Variants in ZMIZ1 observed in about 807,000 individuals in gnomAD.
ZMIZ1 encodes the protein zinc finger MIZ-type containing 1, also known as zinc finger MIZ domain-containing protein 1.
In ZMIZ1, 17 loss-of-function variants were observed where a neutral mutation model predicts 113.9. The observed-to-expected ratio is 0.15, with a 90% CI of 0.10 to 0.22. The LOEUF (loss-of-function observed/expected upper bound fraction) is 0.22, where lower values mean the gene tolerates loss of function less well. ZMIZ1 is among the 10% of genes least tolerant of loss of function. The pLI is 1.00. For synonymous variants in ZMIZ1, 607 were observed against 603.1 expected (o/e 1.01, Z -0.09); for missense variants, 1,059 against 1,477.8 (o/e 0.72, Z 4.65).
intron 1 of ZMIZ1, among the ~76,000 whole-genome samples, chr10:79,116,180 G>A (rs1003099132): frequency 1.3e-5 from 2 of 152,070 alleles, no homozygotes; most frequent in Non-Finnish European, 2.9e-5. Flanking sequence ...GTCCCCAGGA[G>A]AGAATTGCCC....
Position 79,304,011 on chromosome 10 carries a change from G to A in ZMIZ1, c.2126-4G>A, listed in dbSNP as rs192251671. 328 of 1,613,858 alleles carry A rather than the reference G, an allele frequency of 2.0e-4. No homozygotes were observed. In the African/African-American group the frequency reaches 3.8e-3, roughly 19 times the overall value. On this transcript the variant is annotated splice_polypyrimidine_tract_variant and splice_region_variant and intron_variant, in intron 18 of 24. Coordinates refer to ENST00000334512, the MANE Select transcript of ZMIZ1 (RefSeq NM_020338.4). ...CTCACCTGTCTGTGCCTCCTGCCCC[G>A]CAGTCAAGCGGAATTTCAGCAGCGT...
intron 8 of ZMIZ1, among the ~76,000 whole-genome samples, chr10:79,282,710 G>A (rs1372770918): frequency 2.0e-5 from 3 of 152,236 alleles, no homozygotes; most frequent in African/African-American, 7.2e-5. Context: ...TCAGGAAAGG[G>A]TCAGGCTGCC....
intron 3 of ZMIZ1, among the ~76,000 whole-genome samples, chr10:79,149,975 C>G (rs1589340104): frequency 1.3e-5 from 2 of 152,372 alleles, no homozygotes; most frequent in South Asian, 4.1e-4. Context: ...GGCCACTAAG[C>G]AGGCCAGCGT....
intron 7 of ZMIZ1, among the ~76,000 whole-genome samples, chr10:79,218,584 GGTGTGTGT>G (rs55736085): frequency 6.8e-6 from 1 of 147,792 alleles, no homozygotes; most frequent in Non-Finnish European, 1.5e-5. Flanking sequence ...TAATTAGAGG[GGTGTGTGT>G]GTGTGTGTGT....
rs1228831532 is a variant in ZMIZ1, at chr10:79,304,047, T to C, written c.2158T>C (p.Ser720Pro). Residue 720 changes from serine (S) to proline (P), a missense_variant, in exon 19 of 25, where the codon TCG becomes CCG. This residue lies in a region of ZMIZ1 where 217 missense variants were observed against 426.9 expected (regional missense o/e 0.51). Coordinates refer to ENST00000334512, the MANE Select transcript of ZMIZ1 (RefSeq NM_020338.4). ...GAATTTCAGCAGCGTGGCTGCCTCC[T>C]CGGGCAACACGACCCTCAACGGGGA... ...KRNFSSVAASSGNTTLNGEDG... is the reference protein window; with the variant it reads ...KRNFSSVAASPGNTTLNGEDG... 3 of 1,614,028 alleles carry C rather than the reference T, an allele frequency of 1.9e-6. No homozygotes were observed. Among genetic ancestry groups the C allele is most frequent in the Non-Finnish European group, 2.5e-6 (3 of 1,180,040 alleles).
chr10:79,180,017 C>G (rs978191823), intron 4 of ZMIZ1, among the ~76,000 whole-genome samples: 1 of 152,256 alleles, frequency 6.6e-6, no homozygotes, highest in Non-Finnish European at 1.5e-5. Context: ...CTCGTTCTGT[C>G]TCCTATCCAC....
chr10:79,209,779 C>T (rs1848464603), intron 6 of ZMIZ1, among the ~76,000 whole-genome samples: 1 of 152,242 alleles, frequency 6.6e-6, no homozygotes, highest in African/African-American at 2.4e-5. Context: ...CCACATTTTA[C>T]AGAGGAGGAA....
chr10:79,151,926 TG>T (rs1215056034), intron 3 of ZMIZ1, among the ~76,000 whole-genome samples: 1 of 152,208 alleles, frequency 6.6e-6, no homozygotes. Flanking sequence ...CGTGCTGTGC[TG>T]GCTCCTCCCG....
intron 4 of ZMIZ1, among the ~76,000 whole-genome samples, chr10:79,183,261 A>G (rs1209545649): frequency 3.3e-5 from 5 of 152,172 alleles, no homozygotes; most frequent in Admixed American, 3.3e-4. Flanking sequence ...GATAAGGAAG[A>G]TTTGTGGGTG....
chr10:79,281,201 G>A (rs903109076), intron 8 of ZMIZ1, among the ~76,000 whole-genome samples: 16 of 152,160 alleles, frequency 1.1e-4, no homozygotes, highest in Admixed American at 7.9e-4. Context: ...GTTCGGTCCC[G>A]GGGTTAAACA....
intron 7 of ZMIZ1, among the ~76,000 whole-genome samples, chr10:79,276,713 C>T (rs1436480982): frequency 6.6e-6 from 1 of 152,102 alleles, no homozygotes; most frequent in African/African-American, 2.4e-5. Context: ...ATGTTTGAGC[C>T]CACCCATGGG....
At chr10:79,239,861 C>G (rs1044647808) in intron 7 of ZMIZ1, among the ~76,000 whole-genome samples, 11 of 152,156 alleles carry the variant, frequency 7.2e-5, no homozygotes, top group Non-Finnish European at 1.5e-4. Context: ...CCCCTGTCTG[C>G]GCCCCCAGCT....
intron 2 of ZMIZ1, among the ~76,000 whole-genome samples, chr10:79,131,022 C>G (rs1180712139): frequency 6.6e-6 from 1 of 152,214 alleles, no homozygotes; most frequent in East Asian, 1.9e-4. Context: ...CTCCAGGAAG[C>G]CAGCCTGCCC....
At chr10:79,229,123 G>A (rs1022673878) in intron 7 of ZMIZ1, among the ~76,000 whole-genome samples, 1 of 152,200 alleles carries the variant, frequency 6.6e-6, no homozygotes, top group Admixed American at 6.5e-5. Flanking sequence ...CAGCAATTCT[G>A]TTTCCATGGT....
At chr10:79,305,839 C>T (rs1029059314) in intron 21 of ZMIZ1, among the ~76,000 whole-genome samples, 2 of 152,214 alleles carry the variant, frequency 1.3e-5, no homozygotes, top group Non-Finnish European at 2.9e-5. Flanking sequence ...CCGCCCCGAC[C>T]CTCCACCTGC....
chr10:79,089,655 C>T, intron 1 of ZMIZ1, among the ~76,000 whole-genome samples: 1 of 152,022 alleles, frequency 6.6e-6, no homozygotes, highest in East Asian at 1.9e-4. Flanking sequence ...GAGGATGTGT[C>T]AGTTCCGAGG....
chr10:79,207,723 G>C (rs1400158505), intron 5 of ZMIZ1, among the ~76,000 whole-genome samples: 2 of 152,184 alleles, frequency 1.3e-5, no homozygotes, highest in African/African-American at 4.8e-5. Flanking sequence ...GGACAGTACA[G>C]GCACGTGTGC....
intron 8 of ZMIZ1, among the ~76,000 whole-genome samples, chr10:79,282,860 A>G (rs898679350): frequency 6.6e-6 from 1 of 152,290 alleles, no homozygotes; most frequent in Admixed American, 6.5e-5. Flanking sequence ...ACTCACAGAT[A>G]CCCAGGATAC....
chr10:79,123,971 C>A (rs1329424661), intron 2 of ZMIZ1, among the ~76,000 whole-genome samples: 1 of 152,266 alleles, frequency 6.6e-6, no homozygotes, highest in South Asian at 2.1e-4. Context: ...TGCGTGAAAT[C>A]TGTGGCCTGC....
Sources: allele counts gnomAD v4.1 joint callset (sites outside exome capture counted in the v4.1 genomes callset), GRCh38; gene constraint gnomAD v4.1.1; regional missense constraint gnomAD v4.1.1; transcripts MANE v1.5; gene names NCBI Gene and HGNC (gene_info 2026-07-23, HGNC 2026-07-21).